The following TFEB variants were observed in gnomAD, a reference collection of about 807,000 sequenced individuals.
TFEB encodes the protein T-cell transcription factor EB.
Under a neutral mutation model 48.0 loss-of-function variants are expected in TFEB, and 12 were observed. That is an observed-to-expected ratio of 0.25 (90% CI 0.16 to 0.40). The LOEUF is 0.40. Ranked by LOEUF, TFEB falls within the 10% of genes least tolerant of loss-of-function variation. The probability of loss-of-function intolerance (pLI) is 1.00; values close to 1 mark genes in which losing one functional copy is unlikely to be tolerated. For synonymous variants in TFEB, 244 were observed against 261.4 expected, an observed-to-expected ratio of 0.93 and a Z score of 0.64; for missense variants, 509 against 640.3, an observed-to-expected ratio of 0.79 and a Z score of 2.21.
chr6:41,689,023 T>C (rs1561850041), intron 4 of TFEB, among the ~76,000 whole-genome samples: 1 of 152,226 alleles, frequency 6.6e-6, no homozygotes, highest in Non-Finnish European at 1.5e-5. Context: ...TGTAGAGAGC[T>C]TGCCCTCAAT....
chr6:41,728,540 C>T (rs1771309144), intron 1 of TFEB, among the ~76,000 whole-genome samples: 1 of 152,298 alleles, frequency 6.6e-6, no homozygotes, highest in East Asian at 1.9e-4. Flanking sequence ...CTCTGCACCC[C>T]TCAGGGACTG....
At chr6:41,698,235 T>C (rs987810674) in intron 1 of TFEB, among the ~76,000 whole-genome samples, 3 of 152,184 alleles carry the variant, frequency 2.0e-5, no homozygotes, top group Admixed American at 2.0e-4. Flanking sequence ...ACAGAGCTAA[T>C]GAGTGGCAAG....
chr6:41,712,993 G>A (rs554832153), intron 1 of TFEB, among the ~76,000 whole-genome samples: 4 of 152,212 alleles, frequency 2.6e-5, no homozygotes, highest in Non-Finnish European at 4.4e-5. Flanking sequence ...GCTCGCTTGC[G>A]AGGCATTTTG....
Position 41,719,603 on chromosome 6 carries a change from G to A in TFEB, c.-23+15747C>T, listed in dbSNP as rs138077486. ...CCAGACACCCGGCCCAGGGTCACAC[G>A]GCAGTTACTGGCATGCAGGTCATGT... On this transcript the variant is annotated intron_variant, in intron 1 of 8. Coordinates refer to ENST00000373033, the MANE Select transcript of TFEB (RefSeq NM_001271944.2). Among the ~76,000 whole-genome samples, 567 of 152,304 alleles carry A rather than the reference G, an allele frequency of 3.7e-3. 5 individuals are homozygous for A. Among genetic ancestry groups the A allele is most frequent in the African/African-American group, 0.013 (541 of 41,544 alleles).
intron 1 of TFEB, among the ~76,000 whole-genome samples, chr6:41,713,988 G>GC (rs1282104022): frequency 6.6e-6 from 1 of 152,214 alleles, no homozygotes; most frequent in Non-Finnish European, 1.5e-5. Flanking sequence ...CATCCTGTAG[G>GC]CCCCAAACAG....
rs1245872003 is a variant in TFEB, at chr6:41,723,485, G to A, written c.-23+11865C>T. The A allele has an allele frequency of 2.3e-6, 3 of 1,289,438 alleles. No individual in the cohort carries two copies. The East Asian group carries it at 1.7e-4, about 72-fold the overall frequency. 79.9% of individuals were successfully genotyped at this position (1,289,438 alleles called of 1,614,324 possible). ...CCTTCGAGAGGGCAGCCCCCTGGAAGGAGGCCCCTGGAATGCTCAGCTCCT... is the reference window on the plus strand; with the variant it reads ...CCTTCGAGAGGGCAGCCCCCTGGAAAGAGGCCCCTGGAATGCTCAGCTCCT... On this transcript the variant is annotated intron_variant, in intron 1 of 8. Transcript: ENST00000373033. This position sits in a 1 kb window ranked among gnomAD's most constrained non-coding sequence, Gnocchi z 6.0.
Position 41,691,388 on chromosome 6 carries a change from T to C in TFEB, c.-22-153A>G. 1 of 821,656 alleles carries C rather than the reference T, an allele frequency of 1.2e-6. No individual in the cohort carries two copies. Among genetic ancestry groups the C allele is most frequent in the Non-Finnish European group, 2.1e-6 (1 of 481,562 alleles). The allele number at this position is 821,656 out of a possible 1,614,324, so 50.9% of individuals were successfully genotyped here. On this transcript the variant is annotated intron_variant, in intron 1 of 8. Coordinates refer to ENST00000373033, the MANE Select transcript of TFEB (RefSeq NM_001271944.2). This position sits in a 1 kb window ranked among gnomAD's most constrained non-coding sequence, Gnocchi z 5.2. ...GGGGAAGAGATTTGCCCAAGGTCACTGAGCAAGCGGGTGACAGCTGAGACA... is the reference window on the plus strand; with the variant it reads ...GGGGAAGAGATTTGCCCAAGGTCACCGAGCAAGCGGGTGACAGCTGAGACA...
intron 1 of TFEB, among the ~76,000 whole-genome samples, chr6:41,719,892 T>C (rs2127262923): frequency 6.6e-6 from 1 of 152,250 alleles, no homozygotes; most frequent in East Asian, 1.9e-4. Flanking sequence ...TTAACCTCTC[T>C]GGGCCTCAGC....
intron 1 of TFEB, among the ~76,000 whole-genome samples, chr6:41,699,098 G>A (rs1002053475): frequency 1.3e-5 from 2 of 152,226 alleles, no homozygotes; most frequent in African/African-American, 2.4e-5. Flanking sequence ...TCTTAGCCTT[G>A]GGCTGGACTC....
chr6:41,687,612 G>T, intron 6 of TFEB, 141 bp downstream of exon 6: 1 of 1,028,106 alleles, frequency 9.7e-7, no homozygotes, highest in South Asian at 1.5e-5. Context: ...CGACAGCAAT[G>T]GGAGGGCTTA....
Position 41,685,075 on chromosome 6 carries a change from G to T in TFEB, c.955C>A (p.Leu319Met). 1 of 1,441,506 alleles carries T rather than the reference G, an allele frequency of 6.9e-7. No homozygotes were observed. The highest frequency in any genetic ancestry group is 9.1e-7 in the Non-Finnish European group (1 of 1,093,920). The allele number at this position is 1,441,506 out of a possible 1,614,324, so 89.3% of individuals were successfully genotyped here. A position where few individuals can be genotyped will look rare whatever the true frequency, so the allele number is the denominator to read the frequency against. ...CCGTGCACTCGAGCCTGCATCTCCAGCTCCTGCAGGGGAGCAGACAGAAGG... is the reference window on the plus strand; with the variant it reads ...CCGTGCACTCGAGCCTGCATCTCCATCTCCTGCAGGGGAGCAGACAGAAGG... ...NKQLWLRIQE[L>M]EMQARVHGLP... is the part of the protein sequence containing the mutation. Residue 319 changes from leucine to methionine, a missense_variant, in exon 9 of 9, where the codon CTG (leucine) becomes ATG (methionine). By Grantham distance (15) the Leu-to-Met change is conservative (BLOSUM62 2). Transcript: ENST00000373033.
At position 41,697,107 on chromosome 6, in the gene TFEB, A is replaced by G. The variant is rs115720950; in HGVS notation, c.-22-5872T>C. Among the ~76,000 whole-genome samples, 507 of 152,270 alleles carry G rather than the reference A, an allele frequency of 3.3e-3. 1 individual carries two copies. Among genetic ancestry groups the G allele is most frequent in the African/African-American group, 0.01 (422 of 41,530 alleles). On this transcript the variant is annotated intron_variant, in intron 1 of 8. Transcript: ENST00000373033. ...TGTTGTATTCTCATTTTAAAATCAC[A>G]TAAGAATGAGGGCAGACCAGCCTGG...
In TFEB at chr6:41,735,536, G is replaced by C. The variant is rs1345371437; in HGVS notation, c.-209C>G. On this transcript the variant is annotated 5_prime_UTR_variant, in exon 1 of 9. Transcript: ENST00000373033. ...CGTCGGCGCCGCGGCCGCTCCCTGC[G>C]TCCCGCCCGGGCCGCCGCCTCCGCT... The C allele has an allele frequency of 1.8e-5, 18 of 984,450 alleles. No homozygotes were observed. Among genetic ancestry groups the C allele is most frequent in the South Asian group, 4.6e-5 (1 of 21,544 alleles). The allele number at this position is 984,450 out of a possible 1,614,324, so 61.0% of individuals were successfully genotyped here.
upstream of TFEB, among the ~76,000 whole-genome samples, chr6:41,735,911 C>T (rs1166462742): frequency 6.6e-6 from 1 of 152,198 alleles, no homozygotes; most frequent in African/African-American, 2.4e-5. Context: ...TGCTGTCCTT[C>T]GGCAGTCTAA....
intron 1 of TFEB, among the ~76,000 whole-genome samples, chr6:41,717,542 G>A (rs1166084012): frequency 1.3e-5 from 2 of 152,170 alleles, no homozygotes; most frequent in East Asian, 1.9e-4. Context: ...AACTTGCTAG[G>A]GGCCCTGCAG....
intron 1 of TFEB, among the ~76,000 whole-genome samples, chr6:41,711,780 T>G (rs1444651606): frequency 6.6e-6 from 1 of 152,134 alleles, no homozygotes; most frequent in Non-Finnish European, 1.5e-5. Flanking sequence ...AAGGGTCATG[T>G]CTGGGCACCC....
intron 1 of TFEB, among the ~76,000 whole-genome samples, chr6:41,694,148 T>A (rs1769458089): frequency 6.6e-6 from 1 of 152,184 alleles, no homozygotes; most frequent in African/African-American, 2.4e-5. Flanking sequence ...TGGCCTGGCC[T>A]CGCGTGGACT....
At chr6:41,712,902 G>A (rs188753589) in intron 1 of TFEB, among the ~76,000 whole-genome samples, 144 of 152,230 alleles carry the variant, frequency 9.5e-4, no homozygotes, top group African/African-American at 3.3e-3. Flanking sequence ...TCCCCCACCC[G>A]GCCTAGGAAG....
intron 1 of TFEB, among the ~76,000 whole-genome samples, chr6:41,716,800 C>G (rs1770754552): frequency 6.6e-6 from 1 of 152,204 alleles, no homozygotes; most frequent in Admixed American, 6.5e-5. Flanking sequence ...AGGACACTCT[C>G]TGACAGGGAG....
Sources: allele counts gnomAD v4.1 joint callset (sites outside exome capture counted in the v4.1 genomes callset), GRCh38; gene constraint gnomAD v4.1.1; non-coding constraint Gnocchi (gnomAD v3.1); transcripts MANE v1.5; gene names NCBI Gene and HGNC (gene_info 2026-07-23, HGNC 2026-07-21).